Variants in CACNB2 observed in about 807,000 individuals in gnomAD.
The protein encoded by CACNB2 is voltage-dependent L-type calcium channel subunit beta-2.
A neutral mutation model predicts 73.3 loss-of-function variants in CACNB2; 42 were observed. The observed-to-expected ratio is 0.57, with a 90% CI of 0.45 to 0.74. The LOEUF (loss-of-function observed/expected upper bound fraction) is 0.74, where lower values mean the gene tolerates loss of function less well. CACNB2 is among the 30% of genes least tolerant of loss of function. The pLI, the probability that CACNB2 is intolerant of heterozygous loss-of-function variation, is 0.00. For synonymous variants in CACNB2, 348 were observed against 310.3 expected, an observed-to-expected ratio of 1.12 and a Z score of -1.28; for missense variants, 940 against 853.0, an observed-to-expected ratio of 1.10 and a Z score of -1.27.
At chr10:18,288,804 G>C (rs148283175) in intron 2 of CACNB2, among the ~76,000 whole-genome samples, 7 of 152,172 alleles carry the variant, frequency 4.6e-5, no homozygotes, top group African/African-American at 1.2e-4. Flanking sequence ...CAGCACTTTG[G>C]GGGGCCAAGG....
chr10:18,514,713 A>G (rs781402343), intron 7 of CACNB2, among the ~76,000 whole-genome samples: 10 of 152,230 alleles, frequency 6.6e-5, no homozygotes, highest in Non-Finnish European at 1.0e-4. Flanking sequence ...CCATTACAGT[A>G]CTTATCCTTT....
intron 2 of CACNB2, among the ~76,000 whole-genome samples, chr10:18,246,049 A>G (rs1301508433): frequency 1.3e-5 from 2 of 152,106 alleles, no homozygotes; most frequent in Non-Finnish European, 2.9e-5. Flanking sequence ...TCCAGGTCAA[A>G]AGGTGCAGTG....
chr10:18,387,775 G>GCGA (rs2043296901), intron 2 of CACNB2, among the ~76,000 whole-genome samples: 1 of 148,590 alleles, frequency 6.7e-6, no homozygotes, highest in Non-Finnish European at 1.5e-5. Flanking sequence ...TTTTTTTTTA[G>GCGA]CGACAGGCTC....
intron 2 of CACNB2, among the ~76,000 whole-genome samples, chr10:18,292,525 G>A (rs180690557): frequency 3.3e-5 from 5 of 152,242 alleles, no homozygotes; most frequent in African/African-American, 1.2e-4. Context: ...GCCTGGTGGC[G>A]AGTGCCTATA....
intron 9 of CACNB2, 34 bp from the exon 10 acceptor site, chr10:18,527,554 C>A: frequency 7.2e-7 from 1 of 1,393,848 alleles, no homozygotes; most frequent in Non-Finnish European, 1.0e-6. Context: ...AGACCAATAA[C>A]CTTAAGGTCT....
At chr10:18,361,994 A>G (rs902571933) in intron 2 of CACNB2, among the ~76,000 whole-genome samples, 1 of 152,020 alleles carries the variant, frequency 6.6e-6, no homozygotes, top group Non-Finnish European at 1.5e-5. Context: ...ACATTTTTTT[A>G]TATTTTTTAT....
intron 2 of CACNB2, among the ~76,000 whole-genome samples, chr10:18,233,150 C>G: frequency 6.6e-6 from 1 of 152,078 alleles, no homozygotes; most frequent in East Asian, 1.9e-4. Flanking sequence ...ATACTTCTGC[C>G]TTGAAATTGA....
intron 10 of CACNB2, chr10:18,532,911 A>T (rs780463810): frequency 1.4e-4 from 22 of 151,970 alleles, no homozygotes; most frequent in African/African-American, 4.4e-4. Context: ...CAGTGGCCCA[A>T]TGTTATTTTA....
intron 2 of CACNB2, among the ~76,000 whole-genome samples, chr10:18,271,101 C>T (rs1229453212): frequency 6.6e-6 from 1 of 152,180 alleles, no homozygotes; most frequent in East Asian, 1.9e-4. Flanking sequence ...CACACATACA[C>T]AGAGCTTTGT....
intron 3 of CACNB2, among the ~76,000 whole-genome samples, chr10:18,429,679 A>C (rs1459386843): frequency 1.4e-5 from 2 of 140,328 alleles, no homozygotes; most frequent in African/African-American, 5.1e-5. Context: ...AAAAAAAAAA[A>C]AACCAAATTA....
intron 2 of CACNB2, among the ~76,000 whole-genome samples, chr10:18,234,966 A>AC (rs1564365494): frequency 1.3e-5 from 2 of 151,484 alleles, no homozygotes; most frequent in African/African-American, 4.9e-5. Context: ...ACACGGTGAA[A>AC]CCCCGTCTCT....
intron 2 of CACNB2, among the ~76,000 whole-genome samples, chr10:18,275,346 T>A (rs1050705269): frequency 1.3e-5 from 2 of 152,194 alleles, no homozygotes; most frequent in Admixed American, 6.5e-5. Context: ...CCAAACTTCT[T>A]TATGAAGGGG....
chr10:18,290,534 C>T (rs774964397), intron 2 of CACNB2, among the ~76,000 whole-genome samples: 10 of 152,142 alleles, frequency 6.6e-5, no homozygotes, highest in Non-Finnish European at 2.9e-5. Flanking sequence ...AAAATAATAA[C>T]ATGCATTTCT....
intron 10 of CACNB2, 90 bp from the exon 11 acceptor site, chr10:18,533,986 C>A: frequency 8.2e-7 from 1 of 1,220,194 alleles, no homozygotes; most frequent in Non-Finnish European, 1.2e-6. Context: ...TAATGGCTGA[C>A]CTACTCACCT....
At chr10:18,444,680 A>G (rs1207702034) in intron 3 of CACNB2, among the ~76,000 whole-genome samples, 2 of 152,188 alleles carry the variant, frequency 1.3e-5, no homozygotes, top group African/African-American at 2.4e-5. Flanking sequence ...CCGCTCTGCT[A>G]TGCTACTCTA....
intron 2 of CACNB2, among the ~76,000 whole-genome samples, chr10:18,285,905 T>C (rs1020912406): frequency 6.6e-6 from 1 of 152,230 alleles, no homozygotes; most frequent in African/African-American, 2.4e-5. Context: ...AACCCTTTTG[T>C]AGTCTGGTGA....
intron 2 of CACNB2, among the ~76,000 whole-genome samples, chr10:18,357,300 T>C (rs1259115929): frequency 6.6e-6 from 1 of 152,180 alleles, no homozygotes; most frequent in East Asian, 1.9e-4. Context: ...TGAAGTGAAA[T>C]GTATAGTTAA....
rs75240706 is a variant in CACNB2 at position 18,496,520 on chromosome 10, A to G, written c.334-1835A>G. Among the ~76,000 whole-genome samples, 6 of 152,188 alleles carry G rather than the reference A, an allele frequency of 3.9e-5. No individual in the cohort carries two copies. In the South Asian group the frequency reaches 1.0e-3, roughly 26 times the overall value. On this transcript the variant is annotated intron_variant, in intron 3 of 13. Transcript: ENST00000324631. ...TGAGAGGTCGAAATAATTTTTTTAA[A>G]GAATAGGTTAAGCCGGACGCGGTGG...
At chr10:18,272,434 C>T (rs1377766656) in intron 2 of CACNB2, among the ~76,000 whole-genome samples, 1 of 152,064 alleles carries the variant, frequency 6.6e-6, no homozygotes, top group East Asian at 1.9e-4. Context: ...TAATATAATT[C>T]GGTGGTACAT....
Sources: gnomAD v4.1 joint callset for allele counts (sites outside exome capture counted in the v4.1 genomes callset) on GRCh38, gnomAD v4.1.1 for gene constraint, MANE v1.5 for transcripts, NCBI Gene and HGNC (gene_info 2026-07-23, HGNC 2026-07-21) for gene names.